The following TSHZ2 variants were observed in gnomAD, a reference collection of about 807,000 sequenced individuals.
TSHZ2 encodes teashirt zinc finger homeobox 2, also known as teashirt homolog 2.
In TSHZ2, 21 loss-of-function variants were observed where a neutral mutation model predicts 74.4. The ratio of observed to expected loss-of-function variants is 0.28; its 90% CI spans 0.20 to 0.41. TSHZ2 has a LOEUF of 0.41. TSHZ2 is among the 10% of genes least tolerant of loss of function. TSHZ2 has a pLI of 1.00. For missense variants in TSHZ2, 1,244 were observed against 1,293.5 expected, an observed-to-expected ratio of 0.96 and a Z score of 0.59; for synonymous variants, 540 against 515.3, an observed-to-expected ratio of 1.05 and a Z score of -0.65.
chr20:53,357,416 A>T (rs746574709), intron 2 of TSHZ2, among the ~76,000 whole-genome samples: 8 of 152,096 alleles, frequency 5.3e-5, no homozygotes, highest in Non-Finnish European at 1.0e-4. Context: ...TGTAATTCTA[A>T]CACTTTGGGA....
intron 1 of TSHZ2, among the ~76,000 whole-genome samples, chr20:53,206,898 C>T (rs1989182675): frequency 6.6e-6 from 1 of 152,148 alleles, no homozygotes; most frequent in Non-Finnish European, 1.5e-5. Context: ...TCCTATTTTG[C>T]TCCCATCCAC....
At chr20:53,013,964 A>AT (rs1332344351) in intron 1 of TSHZ2, among the ~76,000 whole-genome samples, 461 of 152,332 alleles carry the variant, frequency 3.0e-3, no homozygotes, top group African/African-American at 8.8e-3. Flanking sequence ...GTTTACTTTC[A>AT]ATTTCCTGCC....
chr20:53,216,285 G>A (rs1989432338), intron 1 of TSHZ2, among the ~76,000 whole-genome samples: 1 of 152,178 alleles, frequency 6.6e-6, no homozygotes, highest in South Asian at 2.1e-4. Context: ...CACTTCACCA[G>A]CCAAGCCATT....
At chr20:53,358,764 T>C (rs1393712776) in intron 2 of TSHZ2, among the ~76,000 whole-genome samples, 1 of 152,220 alleles carries the variant, frequency 6.6e-6, no homozygotes, top group Non-Finnish European at 1.5e-5. Flanking sequence ...GTAGAAACCA[T>C]TCATCCGTTA....
chr20:53,021,225 C>G (rs1178292377), intron 1 of TSHZ2, among the ~76,000 whole-genome samples: 1 of 152,146 alleles, frequency 6.6e-6, no homozygotes, highest in Admixed American at 6.5e-5. Flanking sequence ...AATAACTGAA[C>G]CACTTTGGAT....
At chr20:53,433,950 C>A (rs543852055) in intron 2 of TSHZ2, among the ~76,000 whole-genome samples, 1 of 152,264 alleles carries the variant, frequency 6.6e-6, no homozygotes, top group African/African-American at 2.4e-5. Context: ...CTCACGGCAA[C>A]CTCCACCTCC....
chr20:53,101,835 GA>G (rs1411294667), intron 1 of TSHZ2, among the ~76,000 whole-genome samples: 1 of 152,010 alleles, frequency 6.6e-6, no homozygotes, highest in Non-Finnish European at 1.5e-5. Flanking sequence ...CATCTTATAT[GA>G]AAAAAAGTAG....
intron 1 of TSHZ2, among the ~76,000 whole-genome samples, chr20:53,055,536 C>CT (rs770790197): frequency 2.0e-5 from 3 of 152,100 alleles, no homozygotes; most frequent in African/African-American, 4.8e-5. Context: ...TTTGCATGAA[C>CT]TTTGAGTGAT....
intron 1 of TSHZ2, among the ~76,000 whole-genome samples, chr20:53,153,898 G>A (rs1987732361): frequency 6.6e-6 from 1 of 152,134 alleles, no homozygotes; most frequent in African/African-American, 2.4e-5. Flanking sequence ...CCTCTCATAA[G>A]GTCTCTCATC....
rs186533778 is a variant in TSHZ2, at chr20:53,447,982, C to T, written c.*9-39162C>T. Among the ~76,000 whole-genome samples the T allele has an allele frequency of 5.4e-3, 804 of 150,064 alleles. 10 individuals carry two copies. Among genetic ancestry groups the T allele is most frequent in the African/African-American group, 0.019 (777 of 40,746 alleles). On this transcript the variant is annotated intron_variant, in intron 2 of 2. Coordinates refer to ENST00000371497, the MANE Select transcript of TSHZ2 (RefSeq NM_173485.6). ...AGGCTGGAGTGCAGAGGCGTGATCT[C>T]GGCTCACGGCAAGCTCTGCCTCCCT...
At chr20:53,334,054 A>G (rs1032234614) in intron 2 of TSHZ2, among the ~76,000 whole-genome samples, 1 of 152,228 alleles carries the variant, frequency 6.6e-6, no homozygotes, top group Admixed American at 6.5e-5. Context: ...ACATCAGAAC[A>G]TCTGTTCATC....
At chr20:53,451,475 T>C (rs1307936907) in intron 2 of TSHZ2, among the ~76,000 whole-genome samples, 1 of 152,246 alleles carries the variant, frequency 6.6e-6, no homozygotes, top group East Asian at 1.9e-4. Context: ...GGCTTTCTTT[T>C]AGCTCTTGAA....
intron 1 of TSHZ2, chr20:53,196,416 C>A (rs984078038): frequency 1.4e-5 from 2 of 144,464 alleles, no homozygotes; most frequent in Non-Finnish European, 3.0e-5. Context: ...AATTAGAATA[C>A]GCCACCTAGT....
chr20:53,357,488 G>T (rs1980888369), intron 2 of TSHZ2, among the ~76,000 whole-genome samples: 1 of 151,692 alleles, frequency 6.6e-6, no homozygotes, highest in African/African-American at 2.4e-5. Context: ...AACTTAGTGA[G>T]ACGCTGTCTC....
At chr20:53,175,162 A>G in intron 1 of TSHZ2, among the ~76,000 whole-genome samples, 1 of 66,786 alleles carries the variant, frequency 1.5e-5, no homozygotes, top group South Asian at 5.1e-4. Context: ...TTTTTTTTCA[A>G]CGGAGTTTTG....
intron 2 of TSHZ2, among the ~76,000 whole-genome samples, chr20:53,433,604 C>G (rs1431779148): frequency 6.6e-6 from 1 of 151,206 alleles, no homozygotes; most frequent in Non-Finnish European, 1.5e-5. Context: ...CACACACACA[C>G]ACACACACAC....
chr20:53,183,499 A>G (rs1265388235), intron 1 of TSHZ2, among the ~76,000 whole-genome samples: 1 of 152,188 alleles, frequency 6.6e-6, no homozygotes, highest in Non-Finnish European at 1.5e-5. Flanking sequence ...AGGGGCTTGA[A>G]AAAGTGTTTT....
intron 2 of TSHZ2, among the ~76,000 whole-genome samples, chr20:53,481,149 A>G (rs1220146507): frequency 1.3e-5 from 2 of 152,228 alleles, no homozygotes; most frequent in African/African-American, 4.8e-5. Context: ...TTCATTCTGA[A>G]CAGCAGGAAA....
At chr20:53,079,780 A>G (rs1453443900) in intron 1 of TSHZ2, among the ~76,000 whole-genome samples, 1 of 152,078 alleles carries the variant, frequency 6.6e-6, no homozygotes, top group Non-Finnish European at 1.5e-5. Flanking sequence ...CAAAAGCACC[A>G]GCAGATAGCT....
Sources: gnomAD v4.1 joint callset for allele counts (sites outside exome capture counted in the v4.1 genomes callset) on GRCh38, gnomAD v4.1.1 for gene constraint, MANE v1.5 for transcripts, NCBI Gene and HGNC (gene_info 2026-07-23, HGNC 2026-07-21) for gene names.